BOD1: variants seen among roughly 807,000 people sequenced by gnomAD.
The protein encoded by BOD1 is biorientation of chromosomes in cell division 1, also known as biorientation of chromosomes in cell division protein 1.
BOD1 carries 11 observed loss-of-function variants against 15.7 expected under a neutral mutation model. That is an observed-to-expected ratio of 0.70 (90% CI 0.44 to 1.16). BOD1 has a LOEUF of 1.16. BOD1 is among the 50% of genes most tolerant of loss of function. The pLI, the probability that BOD1 is intolerant of heterozygous loss-of-function variation, is 0.00. For missense variants in BOD1, 182 were observed against 244.5 expected, an observed-to-expected ratio of 0.74 and a Z score of 1.70; for synonymous variants, 105 against 103.5, an observed-to-expected ratio of 1.01 and a Z score of -0.09.
intron 1 of BOD1, among the ~76,000 whole-genome samples, chr5:173,615,966 C>T (rs137931446): frequency 2.8e-4 from 42 of 152,242 alleles, no homozygotes; most frequent in African/African-American, 9.9e-4. Context: ...ACATTGAAAC[C>T]CCAAGTTCGG....
intron 2 of BOD1, 137 bp downstream of exon 2, chr5:173,612,994 A>C: frequency 8.5e-7 from 1 of 1,169,704 alleles, no homozygotes; most frequent in Non-Finnish European, 1.2e-6. Context: ...TTATAACAAA[A>C]GAGCAGACTG....
intron 1 of BOD1, among the ~76,000 whole-genome samples, chr5:173,615,390 G>A (rs1057039521): frequency 6.6e-6 from 1 of 152,218 alleles, no homozygotes. Context: ...ATCTTGCTGT[G>A]AGGTAAGCAA....
At chr5:173,608,401 T>C (rs565594554) in intron 3 of BOD1, 109 bp from the exon 4 acceptor site, 143 of 848,160 alleles carry the variant, frequency 1.7e-4, no homozygotes, top group Non-Finnish European at 2.6e-4. Context: ...TTAAAATGAA[T>C]GTTTTACACT....
intron 1 of BOD1, among the ~76,000 whole-genome samples, chr5:173,613,525 C>T (rs924849803): frequency 2.6e-5 from 4 of 152,168 alleles, no homozygotes; most frequent in Admixed American, 6.5e-5. Flanking sequence ...TGACATCAAC[C>T]CACAGCCTGG....
At chr5:173,610,824 G>A (rs766384556) in intron 2 of BOD1, among the ~76,000 whole-genome samples, 3 of 152,154 alleles carry the variant, frequency 2.0e-5, no homozygotes, top group Admixed American at 6.5e-5. Flanking sequence ...TTTGGGAGGC[G>A]ATCGGGTCAT....
chr5:173,615,333 A>G (rs1755465824), intron 1 of BOD1, among the ~76,000 whole-genome samples: 1 of 152,226 alleles, frequency 6.6e-6, no homozygotes, highest in Non-Finnish European at 1.5e-5. Context: ...TCAACGAATA[A>G]ACAGACTACG....
intron 2 of BOD1, among the ~76,000 whole-genome samples, chr5:173,610,605 T>A (rs981787091): frequency 1.3e-5 from 2 of 152,148 alleles, no homozygotes; most frequent in Non-Finnish European, 2.9e-5. Context: ...AAAGTTAGCA[T>A]CCGGCTATGG....
chr5:173,616,603 G>C lies in BOD1; in HGVS notation c.-167C>G. The C allele has an allele frequency of 7.4e-7, 1 of 1,352,218 alleles. No individual in the cohort carries two copies. Among genetic ancestry groups the C allele is most frequent in the East Asian group, 3.1e-5 (1 of 32,058 alleles). 83.8% of individuals were successfully genotyped at this position (1,352,218 alleles called of 1,614,324 possible). On this transcript the variant is annotated 5_prime_UTR_variant, in exon 1 of 4. Transcript: ENST00000311086. ...GGGCGGTGGTGGGGGCGGCGGCGGC[G>C]AAGGCCCCCTCTGATACAGCAGAGG...
Position 173,609,294 on chromosome 5 carries a change from G to GT in BOD1, c.502_503insA (p.Pro168HisfsTer29). The GT allele has an allele frequency of 6.2e-7, 1 of 1,614,196 alleles. No individual in the cohort carries two copies. The highest frequency in any genetic ancestry group is 1.1e-5 in the South Asian group (1 of 91,082). On this transcript the variant is annotated frameshift_variant, in exon 3 of 4. Coordinates refer to ENST00000311086, the MANE Select transcript of BOD1 (RefSeq NM_138369.3). LOFTEE classifies it high-confidence loss of function. ...GTCCTGGCCTTCGGGCTCTGGAGGG[G>GT]GTGCTGGCACAGCTGCTTTTTTCTG...
chr5:173,608,585 A>G (rs1158497452), intron 3 of BOD1, among the ~76,000 whole-genome samples: 1 of 152,210 alleles, frequency 6.6e-6, no homozygotes, highest in Admixed American at 6.5e-5. Context: ...GAAGGGATAA[A>G]ACATATCCCA....
chr5:173,610,050 A>C (rs1436439053), intron 2 of BOD1, among the ~76,000 whole-genome samples: 1 of 152,244 alleles, frequency 6.6e-6, no homozygotes, highest in Non-Finnish European at 1.5e-5. Flanking sequence ...AGAGGGCTAA[A>C]TTACATCCCC....
chr5:173,609,705 G>T, intron 2 of BOD1: 1 of 388,416 alleles, frequency 2.6e-6, no homozygotes, highest in African/African-American at 2.0e-5. Flanking sequence ...AACTAAGTGA[G>T]TTGCTCCAAA....
chr5:173,614,346 T>C (rs1281898968), intron 1 of BOD1, among the ~76,000 whole-genome samples: 3 of 152,172 alleles, frequency 2.0e-5, no homozygotes, highest in African/African-American at 7.2e-5. Flanking sequence ...CAAAGGACAG[T>C]GAACATCACC....
intron 1 of BOD1, among the ~76,000 whole-genome samples, chr5:173,614,163 A>C (rs1470057941): frequency 6.6e-6 from 1 of 152,238 alleles, no homozygotes; most frequent in Non-Finnish European, 1.5e-5. Flanking sequence ...ACCCTCTGGG[A>C]GAGTTTGTTC....
At chr5:173,609,148 T>A in intron 3 of BOD1, 90 bp downstream of exon 3, 1 of 1,370,108 alleles carries the variant, frequency 7.3e-7, no homozygotes, top group Non-Finnish European at 1.0e-6. Flanking sequence ...TCCTGAATGA[T>A]CCTCAATTAC....
chr5:173,614,358 C>A (rs751525043), intron 1 of BOD1, among the ~76,000 whole-genome samples: 1 of 152,142 alleles, frequency 6.6e-6, no homozygotes, highest in East Asian at 1.9e-4. Context: ...AACATCACCA[C>A]CAAAACACGT....
rs116651076 is a variant in BOD1, at chr5:173,615,606, T to C, written c.237+594A>G. Among the ~76,000 whole-genome samples the C allele has an allele frequency of 3.4e-3, 517 of 152,314 alleles. 6 individuals are homozygous for C. Among genetic ancestry groups the C allele is most frequent in the African/African-American group, 0.012 (495 of 41,562 alleles). Reference sequence around the variant, plus strand: ...ACCCTGACGAGTAGGTAAAGTGAAATAGCGTTTTACTGGTGGGACTGACCA... The same window carrying C: ...ACCCTGACGAGTAGGTAAAGTGAAACAGCGTTTTACTGGTGGGACTGACCA... On this transcript the variant is annotated intron_variant, in intron 1 of 3. Transcript: ENST00000311086.
intron 3 of BOD1, among the ~76,000 whole-genome samples, chr5:173,608,577 A>G (rs1437702619): frequency 6.6e-6 from 1 of 152,276 alleles, no homozygotes; most frequent in Non-Finnish European, 1.5e-5. Flanking sequence ...ATCAGAATGA[A>G]GGGATAAAAC....
In BOD1 at chr5:173,616,413, C is replaced by A. The variant is rs886944241; in HGVS notation, c.24G>T (p.Gly8=). ...CGCCGCCGCCCACCGCGCCAGTTCCCCCGCCGCCGCCGCCGTCCGCCATGG... is the reference window on the plus strand; with the variant it reads ...CGCCGCCGCCCACCGCGCCAGTTCCACCGCCGCCGCCGCCGTCCGCCATGG... MADGGGG[G]GTGAVGGGGT... is the part of the protein sequence containing the mutation. The change falls in exon 1 of 4, where the codon GGG becomes GGT. Residue 8 remains glycine, a synonymous_variant. Transcript: ENST00000311086. The A allele has an allele frequency of 6.5e-7, 1 of 1,538,442 alleles. No individual in the cohort carries two copies. Among genetic ancestry groups the A allele is most frequent in the Non-Finnish European group, 8.7e-7 (1 of 1,153,280 alleles).
Sources: allele counts gnomAD v4.1 joint callset (sites outside exome capture counted in the v4.1 genomes callset), GRCh38; gene constraint gnomAD v4.1.1; transcripts MANE v1.5; gene names NCBI Gene and HGNC (gene_info 2026-07-23, HGNC 2026-07-21).